GREB1L: variants seen among roughly 807,000 people sequenced by gnomAD.
GREB1L encodes GREB1-like protein.
A neutral mutation model predicts 200.8 loss-of-function variants in GREB1L; 17 were observed. The observed-to-expected ratio is 0.08, with a 90% confidence interval of 0.06 to 0.13. The LOEUF (loss-of-function observed/expected upper bound fraction) is 0.13. GREB1L is among the 10% of genes least tolerant of loss of function. The pLI is 1.00. For synonymous variants in GREB1L, 789 were observed against 893.0 expected (o/e 0.88, Z 2.08); for missense variants, 1,657 against 2,367.7 (o/e 0.70, Z 6.23).
chr18:21,328,290 T>A (rs912480032), intron 1 of GREB1L, among the ~76,000 whole-genome samples: 2 of 152,156 alleles, frequency 1.3e-5, no homozygotes, highest in African/African-American at 4.8e-5. Context: ...GTAGTCTTGT[T>A]CATGTGTGTA....
intron 1 of GREB1L, among the ~76,000 whole-genome samples, chr18:21,274,489 C>T (rs1878188592): frequency 6.6e-6 from 1 of 152,120 alleles, no homozygotes; most frequent in African/African-American, 2.4e-5. Context: ...CGGCTCACTG[C>T]AGTCTCCACT....
In GREB1L at chr18:21,510,115, G is replaced by A. The variant is rs1031244256; in HGVS notation, c.4735+1524G>A. Among the ~76,000 whole-genome samples, 6 of 151,536 alleles carry A rather than the reference G, an allele frequency of 4.0e-5. 1 individual carries two copies. Among genetic ancestry groups the A allele is most frequent in the Admixed American group, 3.9e-4 (6 of 15,220 alleles). ...TGTAATACCAGCTACTCAGGAGTCT[G>A]AGGCAGGAGAATCACTTGAACCCGG... On this transcript the variant is annotated intron_variant, in intron 27 of 32. Coordinates refer to ENST00000424526, the MANE Select transcript of GREB1L (RefSeq NM_001142966.3).
At chr18:21,463,775 G>A (rs1201764131) in intron 15 of GREB1L, among the ~76,000 whole-genome samples, 1 of 152,142 alleles carries the variant, frequency 6.6e-6, no homozygotes, top group Non-Finnish European at 1.5e-5. Context: ...TCACCACGTT[G>A]CTCAGGCTGG....
chr18:21,313,171 A>G (rs2038818582), intron 1 of GREB1L, among the ~76,000 whole-genome samples: 1 of 151,398 alleles, frequency 6.6e-6, no homozygotes, highest in African/African-American at 2.4e-5. Flanking sequence ...TAAAATATTA[A>G]AAAATATTAA....
chr18:21,327,024 C>A (rs371206932), intron 1 of GREB1L, among the ~76,000 whole-genome samples: 2 of 152,090 alleles, frequency 1.3e-5, no homozygotes, highest in South Asian at 4.1e-4. Context: ...AATCATGAAA[C>A]CTTGAATTTC....
chr18:21,379,494 C>A (rs2040215874), intron 2 of GREB1L, among the ~76,000 whole-genome samples: 1 of 152,186 alleles, frequency 6.6e-6, no homozygotes, highest in Non-Finnish European at 1.5e-5. Flanking sequence ...TGTGAGCCAC[C>A]ACGCCAGGAG....
intron 1 of GREB1L, among the ~76,000 whole-genome samples, chr18:21,310,024 C>G (rs1489907432): frequency 6.6e-6 from 1 of 152,136 alleles, no homozygotes; most frequent in African/African-American, 2.4e-5. Flanking sequence ...TAAAAATGTT[C>G]TATACAGTAG....
At chr18:21,516,824 T>G in intron 30 of GREB1L, 70 bp downstream of exon 30, 1 of 1,391,730 alleles carries the variant, frequency 7.2e-7, no homozygotes, top group East Asian at 2.5e-5. Flanking sequence ...TGTTATTAGA[T>G]GTTGGCATTA....
intron 1 of GREB1L, among the ~76,000 whole-genome samples, chr18:21,331,285 T>G (rs2039103779): frequency 6.6e-6 from 1 of 152,174 alleles, no homozygotes; most frequent in South Asian, 2.1e-4. Flanking sequence ...GATGGACAAT[T>G]CTGCTGATGT....
At chr18:21,491,985 G>A (rs1451325074) in intron 19 of GREB1L, among the ~76,000 whole-genome samples, 1 of 152,012 alleles carries the variant, frequency 6.6e-6, no homozygotes, top group Non-Finnish European at 1.5e-5. Context: ...CTCCGGAAAC[G>A]CTTCTTACAG....
intron 25 of GREB1L, among the ~76,000 whole-genome samples, chr18:21,506,489 G>A (rs1020586491): frequency 1.3e-5 from 2 of 152,196 alleles, no homozygotes; most frequent in Admixed American, 1.3e-4. Context: ...TAGTTTTAGT[G>A]TCTTGAATTA....
intron 1 of GREB1L, among the ~76,000 whole-genome samples, chr18:21,316,296 T>G (rs540665793): frequency 7.5e-4 from 114 of 152,270 alleles, no homozygotes; most frequent in African/African-American, 2.6e-3. Context: ...CATTATTTAT[T>G]GGCAAAAGTA....
At chr18:21,439,689 A>G (rs1001241086) in intron 8 of GREB1L, 52 bp downstream of exon 8, 7 of 1,120,926 alleles carry the variant, frequency 6.2e-6, no homozygotes, top group African/African-American at 3.1e-5. Context: ...AGTGGTTACA[A>G]GTGCTCCAGA....
intron 4 of GREB1L, among the ~76,000 whole-genome samples, chr18:21,389,398 C>CTT (rs11302945): frequency 7.9e-6 from 1 of 126,250 alleles, no homozygotes; most frequent in South Asian, 2.5e-4. Flanking sequence ...AACCTCTTGA[C>CTT]TTTTTTTTTT....
At chr18:21,408,453 G>A (rs1331843712) in intron 7 of GREB1L, among the ~76,000 whole-genome samples, 1 of 152,092 alleles carries the variant, frequency 6.6e-6, no homozygotes, top group African/African-American at 2.4e-5. Flanking sequence ...TGGCTAATAA[G>A]CACATGAAAA....
intron 1 of GREB1L, among the ~76,000 whole-genome samples, chr18:21,294,668 G>A (rs1417507699): frequency 6.6e-6 from 1 of 151,280 alleles, no homozygotes; most frequent in African/African-American, 2.4e-5. Context: ...TGGCTTTTAT[G>A]GTAAAGGGTA....
intron 1 of GREB1L, among the ~76,000 whole-genome samples, chr18:21,313,247 A>G (rs1243195792): frequency 2.0e-5 from 3 of 152,134 alleles, no homozygotes; most frequent in Non-Finnish European, 4.4e-5. Context: ...AAGAGCCAGG[A>G]AGGTAATCGC....
intron 1 of GREB1L, among the ~76,000 whole-genome samples, chr18:21,244,143 TTAGAACAG>T (rs1294603269): frequency 6.6e-6 from 1 of 152,202 alleles, no homozygotes; most frequent in Non-Finnish European, 1.5e-5. Context: ...GCTAAAAATC[TTAGAACAG>T]TATGCAGTGG....
intron 7 of GREB1L, among the ~76,000 whole-genome samples, chr18:21,418,950 G>A (rs1004461738): frequency 2.3e-4 from 35 of 152,262 alleles, no homozygotes; most frequent in African/African-American, 8.4e-4. Flanking sequence ...CGTATACAAA[G>A]GTGGTCCCAT....
Sources: allele counts gnomAD v4.1 joint callset (sites outside exome capture counted in the v4.1 genomes callset), GRCh38; gene constraint gnomAD v4.1.1; transcripts MANE v1.5; gene names NCBI Gene and HGNC (gene_info 2026-07-23, HGNC 2026-07-21).